Variants in LINGO1 observed in about 807,000 individuals in gnomAD.
LINGO1 encodes leucine-rich repeat and immunoglobulin-like domain-containing nogo receptor-interacting protein 1.
LINGO1 carries 11 observed loss-of-function variants against 37.3 expected under a neutral mutation model. That is an observed-to-expected ratio of 0.29 (90% CI 0.19 to 0.49). LINGO1 has a LOEUF of 0.49. Among genes scored for constraint, LINGO1 ranks in the 20% least tolerant of loss-of-function variants. The pLI is 0.99. For synonymous variants in LINGO1, 387 were observed against 403.0 expected (o/e 0.96, Z 0.48); for missense variants, 585 against 878.2 (o/e 0.67, Z 4.22).
At chr15:77,647,876 C>T in intron 3 of LINGO1, 1 of 456,674 alleles carries the variant, frequency 2.2e-6, no homozygotes, top group Non-Finnish European at 4.4e-6. Flanking sequence ...CTGCTGGAGT[C>T]ACAGAGGAAA....
chr15:77,755,462 T>C (rs144578534), intron 1 of LINGO1, among the ~76,000 whole-genome samples: 95 of 152,302 alleles, frequency 6.2e-4, no homozygotes, highest in Non-Finnish European at 7.4e-4. Flanking sequence ...AGGACCAACA[T>C]TGATTTGTGC....
chr15:77,743,819 G>A (rs183462230), intron 1 of LINGO1, among the ~76,000 whole-genome samples: 149 of 152,094 alleles, frequency 9.8e-4, no homozygotes, highest in African/African-American at 3.4e-3. Flanking sequence ...GCCAGACTGC[G>A]GGGGTGGGGG....
At chr15:77,660,661 G>C (rs2074970637) in intron 3 of LINGO1, among the ~76,000 whole-genome samples, 1 of 152,226 alleles carries the variant, frequency 6.6e-6, no homozygotes, top group Non-Finnish European at 1.5e-5. Flanking sequence ...ATTCGGGCTA[G>C]TGGATGAATT....
At chr15:77,736,881 T>C (rs1451650990) in intron 1 of LINGO1, among the ~76,000 whole-genome samples, 1 of 152,196 alleles carries the variant, frequency 6.6e-6, no homozygotes, top group Non-Finnish European at 1.5e-5. Flanking sequence ...AGCCAGGGCA[T>C]AGTGGAGCCA....
intron 1 of LINGO1, among the ~76,000 whole-genome samples, chr15:77,739,149 C>T (rs1035113120): frequency 4.6e-5 from 7 of 152,250 alleles, no homozygotes; most frequent in Non-Finnish European, 1.0e-4. Flanking sequence ...ACGCAACCGG[C>T]GGGGGGCCAG....
At chr15:77,644,212 G>C (rs531066506) in intron 3 of LINGO1, among the ~76,000 whole-genome samples, 22 of 152,196 alleles carry the variant, frequency 1.4e-4, no homozygotes, top group African/African-American at 5.3e-4. Flanking sequence ...TGTCTCTGTC[G>C]TGTGTGTCAG....
upstream of LINGO1, chr15:77,787,207 C>A (rs1181416293): frequency 6.6e-6 from 1 of 152,326 alleles, no homozygotes; most frequent in Non-Finnish European, 1.5e-5. Context: ...GAGCTGGGAT[C>A]TCAGAAGCCA....
intron 1 of LINGO1, among the ~76,000 whole-genome samples, chr15:77,739,264 C>T (rs1322394579): frequency 6.6e-6 from 1 of 152,234 alleles, no homozygotes; most frequent in African/African-American, 2.4e-5. Flanking sequence ...TTTTCTTTCT[C>T]TTCCCTTCCC....
At chr15:77,764,445 A>G (rs2076507112) in intron 1 of LINGO1, among the ~76,000 whole-genome samples, 1 of 149,674 alleles carries the variant, frequency 6.7e-6, no homozygotes, top group Admixed American at 6.6e-5. Flanking sequence ...GATAGCTGAC[A>G]AAAAAACTGT....
upstream of LINGO1, among the ~76,000 whole-genome samples, chr15:77,790,821 G>A (rs2076813130): frequency 6.6e-6 from 1 of 152,216 alleles, no homozygotes. Context: ...GTATAAGGAA[G>A]AGCCATGTAA....
intron 1 of LINGO1, among the ~76,000 whole-genome samples, chr15:77,819,053 C>T (rs983905425): frequency 2.0e-5 from 3 of 151,566 alleles, no homozygotes; most frequent in Non-Finnish European, 4.4e-5. Flanking sequence ...TGAGGCGGGG[C>T]CGCGGCCTGG....
intron 1 of LINGO1, among the ~76,000 whole-genome samples, chr15:77,624,839 C>T (rs546648033): frequency 6.6e-5 from 10 of 152,132 alleles, no homozygotes; most frequent in South Asian, 2.1e-4. Flanking sequence ...AGTGCCTATT[C>T]GGGGGGGTAA....
rs538185331 is a variant in LINGO1 at position 77,817,877 on chromosome 15, G to T, written c.-458+2381C>A. Among the ~76,000 whole-genome samples the T allele has an allele frequency of 2.0e-5, 3 of 152,322 alleles. No homozygotes were observed. In the East Asian group the frequency reaches 5.8e-4, roughly 29 times the overall value. ...CCCACCGGTCCTGCATTCTCACAAA[G>T]TGGCTGAGAGATTCCAGAAGGATAA... On this transcript the variant is annotated intron_variant, in intron 1 of 5. Coordinates refer to the LINGO1 transcript ENST00000562933.
In LINGO1 at chr15:77,781,960, G is replaced by A. The variant is rs1198730002; in HGVS notation, c.-257+4909C>T. Among the ~76,000 whole-genome samples, 3 of 152,240 alleles carry A rather than the reference G, an allele frequency of 2.0e-5. No homozygotes were observed. In the East Asian group the frequency reaches 5.8e-4, roughly 29 times the overall value. On this transcript the variant is annotated intron_variant, in intron 1 of 3. Coordinates refer to the LINGO1 transcript ENST00000561686. Reference sequence around the variant, plus strand: ...GAGGCCCCGCATGGGAAGGCAGAGGGAAGCAGCCTGGGGGTTGGGGACAGG... The same window carrying A: ...GAGGCCCCGCATGGGAAGGCAGAGGAAAGCAGCCTGGGGGTTGGGGACAGG...
chr15:77,778,450 C>G (rs1477037222), intron 1 of LINGO1, among the ~76,000 whole-genome samples: 25 of 152,204 alleles, frequency 1.6e-4, no homozygotes, highest in Admixed American at 1.6e-3. Flanking sequence ...AACACCGCAT[C>G]CCAGACAACT....
upstream of LINGO1, among the ~76,000 whole-genome samples, chr15:77,699,746 G>A (rs1267044680): frequency 1.3e-4 from 2 of 15,148 alleles, no homozygotes; most frequent in African/African-American, 2.9e-4. Context: ...ACCATCACCT[G>A]CACACAGTAA....
chr15:77,716,804 TGGCAACTTCGA>T (rs1467028108), intron 2 of LINGO1, among the ~76,000 whole-genome samples: 3 of 150,214 alleles, frequency 2.0e-5, no homozygotes, highest in Non-Finnish European at 4.4e-5. Flanking sequence ...TTTGTAATGG[TGGCAACTTCGA>T]GGCTCAGAGA....
chr15:77,738,927 T>C (rs35042073), intron 1 of LINGO1, among the ~76,000 whole-genome samples: 17,865 of 152,126 alleles, frequency 0.12, 1,455 homozygotes, highest in African/African-American at 0.23. Flanking sequence ...CCAGAGGGCA[T>C]GCCCAGCAGG....
At chr15:77,690,877 T>C (rs1280875768) in exon 2 of LINGO1, 1 of 152,262 alleles carries the variant, frequency 6.6e-6, no homozygotes, top group East Asian at 1.9e-4. Context: ...AGACTCAAGG[T>C]AGCCAGGTCA....
Sources: allele counts gnomAD v4.1 joint callset (sites outside exome capture counted in the v4.1 genomes callset), GRCh38; gene constraint gnomAD v4.1.1; transcripts MANE v1.5; gene names NCBI Gene and HGNC (gene_info 2026-07-23, HGNC 2026-07-21).